EBF1: variants seen among roughly 807,000 people sequenced by gnomAD.
The protein encoded by EBF1 is EBF transcription factor 1.
Under a neutral mutation model 68.4 loss-of-function variants are expected in EBF1, and 10 were observed. The ratio of observed to expected loss-of-function variants is 0.15; its 90% confidence interval spans 0.09 to 0.25. EBF1 has a LOEUF of 0.25. Among genes scored for constraint, EBF1 ranks in the 10% least tolerant of loss-of-function variants. The pLI, the probability that EBF1 is intolerant of heterozygous loss-of-function variation, is 1.00. For synonymous variants in EBF1, 298 were observed against 299.8 expected, an observed-to-expected ratio of 0.99 and a Z score of 0.06; for missense variants, 509 against 794.4, an observed-to-expected ratio of 0.64 and a Z score of 4.32.
chr5:158,782,619 C>A (rs373221628), intron 9 of EBF1, among the ~76,000 whole-genome samples: 26 of 152,134 alleles, frequency 1.7e-4, no homozygotes, highest in Middle Eastern at 3.4e-3. Flanking sequence ...CGTGATTGTG[C>A]CACTGCTGTC....
chr5:158,771,200 A>G (rs1773803333), intron 10 of EBF1, among the ~76,000 whole-genome samples: 1 of 152,152 alleles, frequency 6.6e-6, no homozygotes, highest in South Asian at 2.1e-4. Context: ...TCAAAAATAT[A>G]TATACCCACT....
intron 9 of EBF1, among the ~76,000 whole-genome samples, chr5:158,790,334 T>C (rs1581908646): frequency 6.6e-6 from 1 of 152,330 alleles, no homozygotes; most frequent in East Asian, 1.9e-4. Context: ...CTCTAAACAT[T>C]CCTGGTCTAA....
intron 6 of EBF1, among the ~76,000 whole-genome samples, chr5:159,050,180 CTT>C (rs1491109194): frequency 5.1e-5 from 7 of 136,714 alleles, no homozygotes; most frequent in East Asian, 2.2e-4. Context: ...CTCTCTCTCT[CTT>C]CTCTCTTTTC....
At chr5:158,882,295 G>A (rs777616836) in intron 6 of EBF1, among the ~76,000 whole-genome samples, 16 of 152,260 alleles carry the variant, frequency 1.1e-4, no homozygotes, top group South Asian at 2.1e-4. Flanking sequence ...ATTTAGTAAC[G>A]TCTCTCCATT....
At chr5:158,865,816 A>G (rs778327548) in intron 6 of EBF1, among the ~76,000 whole-genome samples, 1 of 152,228 alleles carries the variant, frequency 6.6e-6, no homozygotes, top group Non-Finnish European at 1.5e-5. Context: ...TACTGCAGGA[A>G]TATAACCATG....
chr5:159,084,190 A>G (rs1780233230), intron 5 of EBF1, among the ~76,000 whole-genome samples: 1 of 152,116 alleles, frequency 6.6e-6, no homozygotes, highest in Non-Finnish European at 1.5e-5. Flanking sequence ...CCCACATGCA[A>G]TTTAAGAAGA....
chr5:158,745,037 C>A (rs907494357), intron 10 of EBF1, among the ~76,000 whole-genome samples: 4 of 152,172 alleles, frequency 2.6e-5, no homozygotes, highest in Non-Finnish European at 1.5e-5. Flanking sequence ...CTCCTCGCCA[C>A]AAAATATTGA....
At chr5:158,745,277 G>T (rs1561807348) in intron 10 of EBF1, among the ~76,000 whole-genome samples, 1 of 152,176 alleles carries the variant, frequency 6.6e-6, no homozygotes, top group African/African-American at 2.4e-5. Context: ...TAGCTCGTGA[G>T]ATGGTGGAAA....
chr5:158,972,266 C>G (rs1449302630), intron 6 of EBF1, among the ~76,000 whole-genome samples: 1 of 152,210 alleles, frequency 6.6e-6, no homozygotes, highest in Non-Finnish European at 1.5e-5. Flanking sequence ...ACTCAGCCCT[C>G]AGCTGACTTT....
intron 3 of EBF1, chr5:159,096,141 C>T (rs1782566028): frequency 1.7e-6 from 1 of 605,886 alleles, no homozygotes; most frequent in Non-Finnish European, 2.9e-6. Context: ...CCCAGGTAAA[C>T]GCGAGACCGA....
chr5:159,016,288 A>C (rs973486809), intron 6 of EBF1, among the ~76,000 whole-genome samples: 3 of 152,200 alleles, frequency 2.0e-5, no homozygotes, highest in Non-Finnish European at 4.4e-5. Context: ...TTCTCTGAAA[A>C]GCTGAAGAGA....
intron 7 of EBF1, among the ~76,000 whole-genome samples, chr5:158,835,877 C>T (rs947619423): frequency 1.3e-5 from 2 of 152,140 alleles, no homozygotes; most frequent in Non-Finnish European, 2.9e-5. Context: ...CATGATAACT[C>T]ATGTAAAATA....
chr5:158,899,666 A>C (rs530409120), intron 6 of EBF1, among the ~76,000 whole-genome samples: 2 of 152,018 alleles, frequency 1.3e-5, no homozygotes, highest in East Asian at 3.9e-4. Flanking sequence ...CTCTTAATAC[A>C]CTCCCAAGTT....
rs2128019006 is a variant in EBF1 at position 159,099,669 on chromosome 5, T to C, written c.-191A>G. 1.6e-6 allele frequency: 1 copy of C among 626,502 alleles called. No individual in the cohort carries two copies. Among genetic ancestry groups the C allele is most frequent in the Middle Eastern group, 4.8e-4 (1 of 2,088 alleles). 38.8% of individuals were successfully genotyped at this position (626,502 alleles called of 1,614,324 possible). Reference sequence around the variant, plus strand: ...AGCAAATTTTTAAAAAATGTAAACCTCTGCTCAAAACTGAGCGATAACCCG... The same window carrying C: ...AGCAAATTTTTAAAAAATGTAAACCCCTGCTCAAAACTGAGCGATAACCCG... On this transcript the variant is annotated 5_prime_UTR_variant, in exon 1 of 16. Transcript: ENST00000313708.
At chr5:158,767,421 G>A (rs1183049570) in intron 10 of EBF1, among the ~76,000 whole-genome samples, 2 of 152,130 alleles carry the variant, frequency 1.3e-5, no homozygotes, top group Non-Finnish European at 2.9e-5. Flanking sequence ...CAGGGAATCA[G>A]GTAATTCCAT....
intron 8 of EBF1, among the ~76,000 whole-genome samples, chr5:158,801,884 T>C (rs921235942): frequency 3.9e-5 from 6 of 152,144 alleles, no homozygotes; most frequent in African/African-American, 7.2e-5. Flanking sequence ...AAGTGTTACA[T>C]GATTCAAGTG....
At chr5:158,840,199 G>A (rs866451666) in intron 6 of EBF1, 89 bp from the exon 7 acceptor site, 5 of 907,658 alleles carry the variant, frequency 5.5e-6, no homozygotes, top group Middle Eastern at 2.2e-4. Context: ...TTGTGCATTC[G>A]ATTCTCTTTA....
intron 6 of EBF1, 122 bp from the exon 7 acceptor site, chr5:158,840,232 A>G (rs1789908073): frequency 2.8e-6 from 2 of 720,626 alleles, no homozygotes; most frequent in Admixed American, 2.4e-5. Flanking sequence ...AATATTCAGC[A>G]TGGTGTTAGA....
intron 6 of EBF1, among the ~76,000 whole-genome samples, chr5:159,055,114 G>A (rs1428237748): frequency 3.3e-5 from 5 of 152,194 alleles, no homozygotes; most frequent in Non-Finnish European, 7.3e-5. Context: ...ATGAGGTAAG[G>A]AAGAAGAACT....
Sources: gnomAD v4.1 joint callset for allele counts (sites outside exome capture counted in the v4.1 genomes callset) on GRCh38, gnomAD v4.1.1 for gene constraint, MANE v1.5 for transcripts, NCBI Gene and HGNC (gene_info 2026-07-23, HGNC 2026-07-21) for gene names.